The following UBR3 variants were observed in gnomAD, a reference collection of about 807,000 sequenced individuals.
The protein encoded by UBR3 is E3 ubiquitin-protein ligase UBR3.
Under a neutral mutation model 243.2 loss-of-function variants are expected in UBR3, and 85 were observed. The ratio of observed to expected loss-of-function variants is 0.35; its 90% CI spans 0.29 to 0.42. The LOEUF (loss-of-function observed/expected upper bound fraction) is 0.42. Ranked by LOEUF, UBR3 falls within the 10% of genes least tolerant of loss-of-function variation. UBR3 has a pLI of 1.00. For missense variants in UBR3, 1,686 were observed against 2,300.8 expected, an observed-to-expected ratio of 0.73 and a Z score of 5.47; for synonymous variants, 748 against 799.8, an observed-to-expected ratio of 0.94 and a Z score of 1.09.
At chr2:169,836,080 T>A (rs1358752570) in intron 1 of UBR3, among the ~76,000 whole-genome samples, 2 of 104,876 alleles carry the variant, frequency 1.9e-5, no homozygotes, top group African/African-American at 3.5e-5. Context: ...TTTTTTTTTT[T>A]TTTTTTTTTT....
chr2:169,974,897 T>G (rs2088353800), intron 24 of UBR3, among the ~76,000 whole-genome samples: 1 of 152,188 alleles, frequency 6.6e-6, no homozygotes, highest in Non-Finnish European at 1.5e-5. Context: ...ATTTCTTTCT[T>G]AAGGCTGGGC....
At chr2:169,976,596 G>C (rs775848134) in intron 24 of UBR3, among the ~76,000 whole-genome samples, 1 of 152,060 alleles carries the variant, frequency 6.6e-6, no homozygotes, top group Non-Finnish European at 1.5e-5. Flanking sequence ...TTTTTTACTG[G>C]CCTATAAGGT....
intron 11 of UBR3, among the ~76,000 whole-genome samples, chr2:169,916,457 C>A (rs73972677): frequency 0.057 from 8,677 of 152,006 alleles, 452 homozygotes; most frequent in African/African-American, 0.14. Flanking sequence ...CCCCCTTTTC[C>A]CACACGTGGA....
chr2:169,991,317 A>G (rs1006752300), intron 25 of UBR3, among the ~76,000 whole-genome samples: 1 of 152,178 alleles, frequency 6.6e-6, no homozygotes, highest in African/African-American at 2.4e-5. Context: ...CTTGAGCAAC[A>G]CTGTAAAACA....
chr2:170,003,326 A>C (rs971727829), intron 27 of UBR3, among the ~76,000 whole-genome samples: 1 of 152,226 alleles, frequency 6.6e-6, no homozygotes, highest in Admixed American at 6.5e-5. Context: ...AAAGTTCACT[A>C]TTCTCTGAAT....
At chr2:169,865,136 G>GCT (rs2083215909) in intron 1 of UBR3, among the ~76,000 whole-genome samples, 1 of 151,874 alleles carries the variant, frequency 6.6e-6, no homozygotes, top group African/African-American at 2.4e-5. Context: ...CTTTGTTTCA[G>GCT]CAAGTCTTTT....
rs2091935389 is a variant in UBR3 at position 170,083,336 on chromosome 2, T to C, written c.*1493T>C. ...AAAGTCAAAAGATTACCTATCGTTC[T>C]ACAATAAAATACATGGAAATAGCTT... On this transcript the variant is annotated 3_prime_UTR_variant, in exon 39 of 39. Coordinates refer to ENST00000272793, the MANE Select transcript of UBR3 (RefSeq NM_172070.4). 1 of 152,604 alleles carries C rather than the reference T, an allele frequency of 6.6e-6. No individual in the cohort carries two copies. Among genetic ancestry groups the C allele is most frequent in the Admixed American group, 6.5e-5 (1 of 15,276 alleles). The allele number at this position is 152,604 out of a possible 1,614,324, so 9.5% of individuals were successfully genotyped here. A position where few individuals can be genotyped will look rare whatever the true frequency, so the allele number is the denominator to read the frequency against.
Position 169,891,162 on chromosome 2 carries a change from C to G in UBR3, c.1039-3C>G, listed in dbSNP as rs1324028413. The G allele has an allele frequency of 1.9e-6, 3 of 1,547,030 alleles. No individual in the cohort carries two copies. The highest frequency in any genetic ancestry group is 2.6e-6 in the Non-Finnish European group (3 of 1,143,690). ...GTATAATGCTAATATTATTTTCCTT[C>G]AGGATGATCAGGATGGTAGTCAAGG... On this transcript the variant is annotated splice_region_variant and splice_polypyrimidine_tract_variant and intron_variant, in intron 5 of 38. Coordinates refer to ENST00000272793, the MANE Select transcript of UBR3 (RefSeq NM_172070.4).
chr2:170,036,445 G>A (rs2090834630), intron 31 of UBR3, among the ~76,000 whole-genome samples: 1 of 151,826 alleles, frequency 6.6e-6, no homozygotes, highest in Non-Finnish European at 1.5e-5. Context: ...TCCTTAGAAT[G>A]GCTATTTTTA....
intron 25 of UBR3, among the ~76,000 whole-genome samples, chr2:169,990,218 C>T (rs1046879104): frequency 6.6e-6 from 1 of 151,920 alleles, no homozygotes; most frequent in Non-Finnish European, 1.5e-5. Context: ...GATTAGGAAC[C>T]CTTCAAAACA....
chr2:169,926,764 G>T lies in UBR3; in HGVS notation c.2204+20G>T. The T allele has an allele frequency of 6.5e-7, 1 of 1,548,364 alleles. No individual in the cohort carries two copies. The highest frequency in any genetic ancestry group is 1.2e-5 in the South Asian group (1 of 83,010). On this transcript the variant is annotated intron_variant, in intron 15 of 38. Coordinates refer to ENST00000272793, the MANE Select transcript of UBR3 (RefSeq NM_172070.4). ...TGAAAGGTAGGCATAATTTTATTAA[G>T]ACAGGTATTAGGAAGTGTCCAGTTA...
intron 32 of UBR3, among the ~76,000 whole-genome samples, chr2:170,050,946 C>G (rs2091202354): frequency 6.6e-6 from 1 of 152,172 alleles, no homozygotes; most frequent in Non-Finnish European, 1.5e-5. Context: ...CACAGATACT[C>G]AAGTCCCTTA....
chr2:169,986,886 CTT>C, intron 25 of UBR3, 92 bp downstream of exon 25: 1 of 1,346,302 alleles, frequency 7.4e-7, no homozygotes, highest in East Asian at 2.5e-5. Flanking sequence ...AAAATTATAT[CTT>C]TGTCTACTTA....
chr2:169,836,059 ATATATATATTTT>A (rs2082095416), intron 1 of UBR3, among the ~76,000 whole-genome samples: 5 of 40,932 alleles, frequency 1.2e-4, no homozygotes, highest in Non-Finnish European at 2.6e-4. Context: ...ATATATATAT[ATATATATATTTT>A]TTTTTTTTTT....
At chr2:169,936,435 A>G (rs535395338) in intron 19 of UBR3, among the ~76,000 whole-genome samples, 12 of 152,196 alleles carry the variant, frequency 7.9e-5, no homozygotes, top group Non-Finnish European at 1.3e-4. Flanking sequence ...TTTCTCTGAT[A>G]TATTAATGAT....
At chr2:170,062,842 G>A (rs1348053086) in intron 35 of UBR3, among the ~76,000 whole-genome samples, 1 of 152,180 alleles carries the variant, frequency 6.6e-6, no homozygotes, top group Non-Finnish European at 1.5e-5. Flanking sequence ...GTGTTTGAGT[G>A]TACAGTGATG....
At position 170,008,891 on chromosome 2, in the gene UBR3, AC is replaced by A; in HGVS notation, c.4322del (p.Pro1441ArgfsTer19). ...TQKKYRDYSK[T>X]PGSPDNDFLF... ...GAAGAAATATAGAGACTATAGCAAG[AC>A]CCCGGGCTCACCAGACAATGATTTT... On this transcript the variant is annotated frameshift_variant, in exon 29 of 39. Coordinates refer to ENST00000272793, the MANE Select transcript of UBR3 (RefSeq NM_172070.4). LOFTEE classifies it high-confidence loss of function. The A allele has an allele frequency of 6.3e-7, 1 of 1,599,198 alleles. No individual in the cohort carries two copies. Among genetic ancestry groups the A allele is most frequent in the South Asian group, 1.1e-5 (1 of 87,864 alleles).
Position 170,080,021 on chromosome 2 carries a change from C to T in UBR3, c.5407C>T (p.Leu1803=). The T allele has an allele frequency of 6.2e-7, 1 of 1,612,354 alleles. No individual in the cohort carries two copies. The highest frequency in any genetic ancestry group is 8.5e-7 in the Non-Finnish European group (1 of 1,179,422). The change falls in exon 37 of 39, where the codon CTG becomes TTG. Residue 1803 remains leucine, a splice_region_variant and synonymous_variant. Coordinates refer to ENST00000272793, the MANE Select transcript of UBR3 (RefSeq NM_172070.4). ...CKQQSYCECV[L]HSQNCGAGTG... Reference sequence around the variant, plus strand: ...GCAACAAAGTTACTGTGAATGTGTACTGGTAAGCAATAGTAGATAATACAA... The same window carrying T: ...GCAACAAAGTTACTGTGAATGTGTATTGGTAAGCAATAGTAGATAATACAA...
intron 28 of UBR3, 112 bp downstream of exon 28, chr2:170,007,302 T>A (rs2089948730): frequency 8.4e-7 from 1 of 1,194,564 alleles, no homozygotes. Flanking sequence ...TAGTAGAAAT[T>A]GCTTTTAGAG....
Sources: gnomAD v4.1 joint callset for allele counts (sites outside exome capture counted in the v4.1 genomes callset) on GRCh38, gnomAD v4.1.1 for gene constraint, MANE v1.5 for transcripts, NCBI Gene and HGNC (gene_info 2026-07-23, HGNC 2026-07-21) for gene names.